The following PFDN1 variants were observed in gnomAD, a reference collection of about 807,000 sequenced individuals.
The protein encoded by PFDN1 is prefoldin subunit 1.
Under a neutral mutation model 17.3 loss-of-function variants are expected in PFDN1, and 6 were observed. The observed-to-expected ratio is 0.35, with a 90% CI of 0.19 to 0.69. PFDN1 has a LOEUF of 0.69. Among genes scored for constraint, PFDN1 ranks in the 30% least tolerant of loss-of-function variants. The pLI, the probability that PFDN1 is intolerant of heterozygous loss-of-function variation, is 0.65. For missense variants in PFDN1, 113 were observed against 146.2 expected (o/e 0.77, Z 1.17); for synonymous variants, 58 against 50.1 (o/e 1.16, Z -0.67).
chr5:140,297,315 G>A (rs766697679), intron 2 of PFDN1, among the ~76,000 whole-genome samples: 5 of 152,110 alleles, frequency 3.3e-5, no homozygotes, highest in Non-Finnish European at 5.9e-5. Context: ...TTAAAGAAGT[G>A]AATCACAATG....
At chr5:140,289,626 A>C (rs1765549372) in intron 2 of PFDN1, among the ~76,000 whole-genome samples, 1 of 152,198 alleles carries the variant, frequency 6.6e-6, no homozygotes, top group Non-Finnish European at 1.5e-5. Context: ...CAAGGCCTCA[A>C]CTTAGCTAAT....
intron 2 of PFDN1, among the ~76,000 whole-genome samples, chr5:140,299,737 G>A (rs950548216): frequency 2.6e-5 from 4 of 151,970 alleles, no homozygotes; most frequent in Admixed American, 6.6e-5. Context: ...TTAACCTGCC[G>A]GGTGTGGTGA....
intron 3 of PFDN1, among the ~76,000 whole-genome samples, chr5:140,260,318 G>A (rs1482033803): frequency 6.6e-6 from 1 of 151,984 alleles, no homozygotes; most frequent in South Asian, 2.1e-4. Context: ...AGTTTGGCAG[G>A]TACTTCAATT....
intron 3 of PFDN1, among the ~76,000 whole-genome samples, chr5:140,258,694 A>C (rs1332750784): frequency 6.6e-6 from 1 of 152,148 alleles, no homozygotes; most frequent in Non-Finnish European, 1.5e-5. Context: ...GTCAGGAATG[A>C]CTCCCAGGAT....
At chr5:140,291,584 T>C (rs1765581894) in intron 2 of PFDN1, among the ~76,000 whole-genome samples, 1 of 151,256 alleles carries the variant, frequency 6.6e-6, no homozygotes, top group African/African-American at 2.4e-5. Context: ...AAGTTAAAGA[T>C]AAAAAATCTG....
intron 3 of PFDN1, among the ~76,000 whole-genome samples, chr5:140,265,440 G>A (rs926512119): frequency 2.0e-5 from 3 of 151,996 alleles, no homozygotes; most frequent in South Asian, 2.1e-4. Context: ...GACTTGAAAC[G>A]CCATCTATAA....
intron 3 of PFDN1, among the ~76,000 whole-genome samples, chr5:140,267,633 G>T (rs1214136736): frequency 6.6e-6 from 1 of 152,098 alleles, no homozygotes; most frequent in Non-Finnish European, 1.5e-5. Context: ...CAGTAGCCAG[G>T]GCTGGCCTTA....
chr5:140,299,044 C>G (rs960023500), intron 2 of PFDN1, among the ~76,000 whole-genome samples: 1 of 152,074 alleles, frequency 6.6e-6, no homozygotes, highest in African/African-American at 2.4e-5. Flanking sequence ...AGCCACTATG[C>G]CTGGCCAGAA....
chr5:140,275,661 T>C (rs1473017251), intron 3 of PFDN1, among the ~76,000 whole-genome samples: 1 of 151,936 alleles, frequency 6.6e-6, no homozygotes, highest in Non-Finnish European at 1.5e-5. Flanking sequence ...AGGGCAAGTA[T>C]AAAGAAACAG....
At chr5:140,249,944 G>C (rs375012036) in intron 3 of PFDN1, among the ~76,000 whole-genome samples, 4 of 152,088 alleles carry the variant, frequency 2.6e-5, no homozygotes, top group Non-Finnish European at 5.9e-5. Context: ...GGGTCTGGGG[G>C]TACCAAATTT....
At chr5:140,260,647 A>G (rs1034394580) in intron 3 of PFDN1, among the ~76,000 whole-genome samples, 2 of 150,754 alleles carry the variant, frequency 1.3e-5, no homozygotes, top group Non-Finnish European at 2.9e-5. Flanking sequence ...AAATCTGCAG[A>G]GACAGATAGA....
intron 1 of PFDN1, 92 bp from the exon 2 acceptor site, chr5:140,300,674 C>T (rs905559192): frequency 1.2e-6 from 1 of 806,568 alleles, no homozygotes; most frequent in African/African-American, 1.7e-5. Context: ...AATATGCTAG[C>T]CAGAGACAAA....
chr5:140,246,613 C>T (rs1764834626), intron 3 of PFDN1, among the ~76,000 whole-genome samples: 1 of 152,178 alleles, frequency 6.6e-6, no homozygotes, highest in Non-Finnish European at 1.5e-5. Context: ...TGCTGCCTGC[C>T]AGGAATCTGG....
intron 2 of PFDN1, among the ~76,000 whole-genome samples, chr5:140,290,817 A>G (rs966957600): frequency 1.3e-5 from 2 of 152,192 alleles, no homozygotes; most frequent in South Asian, 2.1e-4. Flanking sequence ...TTATAACTCA[A>G]TAATGCTGAT....
At chr5:140,265,485 C>T (rs749972959) in intron 3 of PFDN1, among the ~76,000 whole-genome samples, 5 of 152,070 alleles carry the variant, frequency 3.3e-5, no homozygotes, top group Non-Finnish European at 7.4e-5. Flanking sequence ...CATTTTATTT[C>T]GCTAGTCCAG....
At chr5:140,297,676 T>A (rs1765674684) in intron 2 of PFDN1, among the ~76,000 whole-genome samples, 1 of 152,232 alleles carries the variant, frequency 6.6e-6, no homozygotes, top group Non-Finnish European at 1.5e-5. Flanking sequence ...TACTATTTAT[T>A]AATTCATATC....
chr5:140,297,875 G>A (rs1765676585), intron 2 of PFDN1, among the ~76,000 whole-genome samples: 1 of 151,996 alleles, frequency 6.6e-6, no homozygotes. Flanking sequence ...TTTCTATTTT[G>A]AAAAAGGAAT....
chr5:140,287,702 T>A (rs1370829860), intron 2 of PFDN1, among the ~76,000 whole-genome samples: 1 of 152,124 alleles, frequency 6.6e-6, no homozygotes, highest in Non-Finnish European at 1.5e-5. Context: ...TGATAAAGGA[T>A]TTGCATCTAA....
chr5:140,296,638 A>G (rs1435193085), intron 2 of PFDN1, among the ~76,000 whole-genome samples: 1 of 152,238 alleles, frequency 6.6e-6, no homozygotes, highest in East Asian at 1.9e-4. Context: ...AGCAAAAGCA[A>G]AAAAGCACAA....
Sources: allele counts gnomAD v4.1 joint callset (sites outside exome capture counted in the v4.1 genomes callset), GRCh38; gene constraint gnomAD v4.1.1; transcripts MANE v1.5; gene names NCBI Gene and HGNC (gene_info 2026-07-23, HGNC 2026-07-21).